The following ZBTB20 variants were observed in gnomAD, a reference collection of about 807,000 sequenced individuals.
ZBTB20 encodes the protein zinc finger and BTB domain containing 20.
ZBTB20 carries 9 observed loss-of-function variants against 56.9 expected under a neutral mutation model. That is an observed-to-expected ratio of 0.16 (90% CI 0.10 to 0.28). ZBTB20 has a LOEUF of 0.28. Ranked by LOEUF, ZBTB20 falls within the 10% of genes least tolerant of loss-of-function variation. The pLI is 1.00. For missense variants in ZBTB20, 655 were observed against 1,003.0 expected (o/e 0.65, Z 4.69); for synonymous variants, 417 against 420.7 (o/e 0.99, Z 0.11).
chr3:114,655,761 C>A (rs570683725), intron 6 of ZBTB20, among the ~76,000 whole-genome samples: 33 of 152,228 alleles, frequency 2.2e-4, no homozygotes, highest in African/African-American at 7.9e-4. Flanking sequence ...CATTTACTGC[C>A]ACCCAGTACT....
intron 4 of ZBTB20, among the ~76,000 whole-genome samples, chr3:114,802,712 T>A (rs752505475): frequency 1.3e-5 from 2 of 151,860 alleles, no homozygotes; most frequent in African/African-American, 4.8e-5. Context: ...TATAAATATA[T>A]TGAATAACAA....
chr3:114,777,328 A>G (rs1274012853), intron 5 of ZBTB20, among the ~76,000 whole-genome samples: 1 of 152,068 alleles, frequency 6.6e-6, no homozygotes, highest in Non-Finnish European at 1.5e-5. Flanking sequence ...AACATGGAGA[A>G]ATGCTGTCTC....
chr3:115,106,214 C>T (rs371681474), intron 1 of ZBTB20, among the ~76,000 whole-genome samples: 25 of 149,450 alleles, frequency 1.7e-4, no homozygotes, highest in African/African-American at 5.4e-4. Flanking sequence ...TTGTAAGTGG[C>T]GTAATTACAC....
chr3:114,956,919 C>T (rs2077267423), intron 3 of ZBTB20, among the ~76,000 whole-genome samples: 1 of 152,156 alleles, frequency 6.6e-6, no homozygotes, highest in South Asian at 2.1e-4. Context: ...CAACAATGTA[C>T]ACTGTTCCAG....
chr3:115,067,841 A>C (rs112631255), intron 2 of ZBTB20, among the ~76,000 whole-genome samples: 1 of 152,116 alleles, frequency 6.6e-6, no homozygotes, highest in African/African-American at 2.4e-5. Context: ...CCGCAATTTT[A>C]TTGTTGCAGC....
intron 5 of ZBTB20, among the ~76,000 whole-genome samples, chr3:114,744,564 C>T (rs1219377073): frequency 2.0e-5 from 3 of 151,906 alleles, no homozygotes; most frequent in African/African-American, 4.8e-5. Flanking sequence ...AAACAAAGAG[C>T]GAGGGAATGG....
chr3:115,028,374 T>C (rs534824463), intron 2 of ZBTB20, among the ~76,000 whole-genome samples: 1 of 150,968 alleles, frequency 6.6e-6, no homozygotes, highest in African/African-American at 2.4e-5. Flanking sequence ...ATCAGATTTA[T>C]AGAACTTACT....
At position 114,416,055 on chromosome 3, in the gene ZBTB20, C is replaced by T. The variant is rs142280230; in HGVS notation, c.-254-26950G>A. Reference sequence around the variant, plus strand: ...AACAGAAGTCTGCTTCCATTGCAGTCACCCCATCTCCTACAGGGGTGGGAA... The same window carrying T: ...AACAGAAGTCTGCTTCCATTGCAGTTACCCCATCTCCTACAGGGGTGGGAA... On this transcript the variant is annotated intron_variant, in intron 7 of 11. Transcript: ENST00000675478. 5.7e-3 allele frequency among the ~76,000 whole-genome samples: 862 copies of T among 152,140 alleles called. 8 individuals carry two copies. The highest frequency in any genetic ancestry group is 5.7e-3 in the Non-Finnish European group (388 of 67,976).
At chr3:114,386,405 A>T (rs967050931) in intron 8 of ZBTB20, among the ~76,000 whole-genome samples, 11 of 152,178 alleles carry the variant, frequency 7.2e-5, no homozygotes, top group Admixed American at 7.2e-4. Flanking sequence ...GGATTTAATG[A>T]AAAAACTGTA....
intron 3 of ZBTB20, among the ~76,000 whole-genome samples, chr3:114,907,754 T>C (rs1485552098): frequency 1.3e-5 from 2 of 151,938 alleles, no homozygotes; most frequent in Non-Finnish European, 2.9e-5. Context: ...AAAATGTTTA[T>C]TGAGTACTTA....
chr3:114,903,747 T>C (rs1290192779), intron 3 of ZBTB20, among the ~76,000 whole-genome samples: 3 of 151,992 alleles, frequency 2.0e-5, no homozygotes, highest in Admixed American at 1.3e-4. Flanking sequence ...ATGAATATAA[T>C]TACTCAACTG....
At chr3:114,540,722 T>C (rs2049014432) in intron 6 of ZBTB20, among the ~76,000 whole-genome samples, 1 of 152,288 alleles carries the variant, frequency 6.6e-6, no homozygotes, top group East Asian at 1.9e-4. Context: ...AAATTTCTAG[T>C]GTCATCTTCA....
intron 7 of ZBTB20, among the ~76,000 whole-genome samples, chr3:114,451,426 T>C (rs1385729553): frequency 2.6e-5 from 4 of 152,070 alleles, no homozygotes; most frequent in East Asian, 1.9e-4. Flanking sequence ...GCCTCATGTG[T>C]TAATGGATGT....
At chr3:115,052,574 C>G (rs921110550) in intron 2 of ZBTB20, among the ~76,000 whole-genome samples, 1 of 152,066 alleles carries the variant, frequency 6.6e-6, no homozygotes, top group South Asian at 2.1e-4. Flanking sequence ...GTCATCTTTC[C>G]TCCTGCAAAG....
intron 2 of ZBTB20, among the ~76,000 whole-genome samples, chr3:114,980,723 G>T (rs1357166257): frequency 6.6e-6 from 1 of 151,672 alleles, no homozygotes; most frequent in East Asian, 1.9e-4. Context: ...TAATAATTTT[G>T]AAACTTCAAG....
At chr3:114,517,405 C>T (rs1170547621) in intron 6 of ZBTB20, among the ~76,000 whole-genome samples, 1 of 152,098 alleles carries the variant, frequency 6.6e-6, no homozygotes, top group Non-Finnish European at 1.5e-5. Flanking sequence ...CTGAACAAAG[C>T]TTGGAACTAG....
At chr3:114,655,055 A>G (rs1038601719) in intron 6 of ZBTB20, among the ~76,000 whole-genome samples, 1 of 152,078 alleles carries the variant, frequency 6.6e-6, no homozygotes, top group Non-Finnish European at 1.5e-5. Flanking sequence ...ATTCCTGTAG[A>G]CAGCATATGT....
At chr3:114,954,300 T>C (rs1399444933) in intron 3 of ZBTB20, among the ~76,000 whole-genome samples, 1 of 152,170 alleles carries the variant, frequency 6.6e-6, no homozygotes, top group African/African-American at 2.4e-5. Flanking sequence ...AGTGGCCCTT[T>C]TAATAATGTG....
chr3:114,820,643 C>T (rs1042881659), intron 4 of ZBTB20, among the ~76,000 whole-genome samples: 2 of 152,010 alleles, frequency 1.3e-5, no homozygotes, highest in Middle Eastern at 3.4e-3. Context: ...AATCAGATAC[C>T]GATAAAAATC....
Sources: gnomAD v4.1 joint callset for allele counts (sites outside exome capture counted in the v4.1 genomes callset) on GRCh38, gnomAD v4.1.1 for gene constraint, MANE v1.5 for transcripts, NCBI Gene and HGNC (gene_info 2026-07-23, HGNC 2026-07-21) for gene names.